Variants in GRIP2 observed in about 807,000 individuals in gnomAD.
GRIP2 encodes glutamate receptor interacting protein 2.
GRIP2 carries 58 observed loss-of-function variants against 108.3 expected under a neutral mutation model. That is an observed-to-expected ratio of 0.54 (90% CI 0.43 to 0.67). The LOEUF (loss-of-function observed/expected upper bound fraction) is 0.67. GRIP2 is among the 30% of genes least tolerant of loss of function. The pLI, the probability that GRIP2 is intolerant of heterozygous loss-of-function variation, is 0.00. For synonymous variants in GRIP2, 586 were observed against 598.2 expected (o/e 0.98, Z 0.30); for missense variants, 1,278 against 1,430.6 (o/e 0.89, Z 1.72).
At position 14,499,698 on chromosome 3, in the gene GRIP2, A is replaced by G. The variant is rs150402407; in HGVS notation, c.2680-3138T>C. On this transcript the variant is annotated intron_variant, in intron 21 of 23. Transcript: ENST00000621039. ...AAGCGAGCCAAGCCAAGATCATGCC[A>G]CTGACTGCACTCCAGCCTGAGCAAC... 1.4e-3 allele frequency among the ~76,000 whole-genome samples: 210 copies of G among 152,248 alleles called. 3 individuals carry two copies. Among genetic ancestry groups the G allele is most frequent in the African/African-American group, 5.0e-3 (206 of 41,534 alleles).
chr3:14,583,708 G>A, the GRIP2 span, among the ~76,000 whole-genome samples: 26 of 152,234 alleles, frequency 1.7e-4, no homozygotes, highest in Non-Finnish European at 1.8e-4. Flanking sequence ...TCTAAGCTAC[G>A]CTGCTGACTG....
At chr3:14,495,105 G>A in intron 22 of GRIP2, 116 bp from the exon 23 acceptor site, 1 of 1,345,284 alleles carries the variant, frequency 7.4e-7, no homozygotes, top group Non-Finnish European at 1.0e-6. Flanking sequence ...ACACCCCCCA[G>A]GCTGCAGCAC....
chr3:14,531,756 T>C (rs1694715848), intron 1 of GRIP2, among the ~76,000 whole-genome samples: 1 of 152,210 alleles, frequency 6.6e-6, no homozygotes, highest in Non-Finnish European at 1.5e-5. Flanking sequence ...CCAGGCCTTT[T>C]AGCGTTTTCT....
chr3:14,541,178 C>T (rs146248135), upstream of GRIP2, among the ~76,000 whole-genome samples: 463 of 152,368 alleles, frequency 3.0e-3, 1 homozygote, highest in Non-Finnish European at 5.3e-3. Context: ...TCCTCCTCTA[C>T]CTGTCTGTGA....
At chr3:14,561,602 A>G in the GRIP2 span, among the ~76,000 whole-genome samples, 1 of 152,140 alleles carries the variant, frequency 6.6e-6, no homozygotes, top group South Asian at 2.1e-4. Context: ...GCCTCCACCA[A>G]TGCTGCTTTT....
the GRIP2 span, chr3:14,574,136 G>T: frequency 3.2e-6 from 3 of 937,128 alleles, no homozygotes; most frequent in Non-Finnish European, 5.3e-6. Context: ...CCACGGGCAC[G>T]ATGCCATAGA....
the GRIP2 span, among the ~76,000 whole-genome samples, chr3:14,601,238 C>T: frequency 7.4e-4 from 112 of 152,286 alleles, 2 homozygotes; most frequent in South Asian, 0.013. Flanking sequence ...CCCAACAGGA[C>T]AGGTTGCCCC....
chr3:14,573,523 C>G, the GRIP2 span: 1 of 1,517,856 alleles, frequency 6.6e-7, no homozygotes, highest in South Asian at 1.1e-5. Context: ...ATGCAGTGCA[C>G]CTGAGAGCAG....
At chr3:14,581,382 G>C in the GRIP2 span, among the ~76,000 whole-genome samples, 1 of 152,172 alleles carries the variant, frequency 6.6e-6, no homozygotes, top group African/African-American at 2.4e-5. Context: ...AGTTGGGTGA[G>C]AGCAGCAGGA....
chr3:14,599,862 G>A, the GRIP2 span, among the ~76,000 whole-genome samples: 1 of 151,720 alleles, frequency 6.6e-6, no homozygotes, highest in Non-Finnish European at 1.5e-5. Flanking sequence ...CACAAACACA[G>A]TCACACACAC....
At chr3:14,545,643 C>T (rs73817925), upstream of GRIP2, among the ~76,000 whole-genome samples, 5 of 152,234 alleles carry the variant, frequency 3.3e-5, no homozygotes, top group East Asian at 1.9e-4. Flanking sequence ...GTGGGCCTCT[C>T]TGAGCCTCAG....
Position 14,506,963 on chromosome 3 carries a change from T to A in GRIP2, c.2236A>T (p.Lys746Ter), listed in dbSNP as rs1395671041. ...KQLDRPLLPR[K>*]SGSLSETSDA... is the part of the protein sequence containing the mutation. ...CTGGTCTCACTGAGGCTGCCCGACT[T>A]GCGGGGTAGGAGGGGACCTGGGAGG... Residue 746 changes from lysine (K) to a stop codon, truncating the protein, a stop_gained, in exon 19 of 24, where the codon AAG becomes TAG. Transcript: ENST00000621039. LOFTEE classifies it high-confidence loss of function. 4.4e-6 allele frequency: 7 copies of A among 1,605,136 alleles called. No homozygotes were observed. Among genetic ancestry groups the A allele is most frequent in the Non-Finnish European group, 6.0e-6 (7 of 1,175,766 alleles).
chr3:14,507,486 A>G lies in GRIP2; in HGVS notation c.2218+75T>C. On this transcript the variant is annotated intron_variant, in intron 18 of 23. Coordinates refer to ENST00000621039, the MANE Select transcript of GRIP2 (RefSeq NM_001080423.4). This position sits in a 1 kb window ranked among gnomAD's most constrained non-coding sequence, Gnocchi z 4.6. ...CAGTGAGGACTCTGTGAGGGTGTGC[A>G]GGCAAAGCCTGGCACAGAGGGATTG... The G allele has an allele frequency of 6.5e-7, 1 of 1,542,544 alleles. No homozygotes were observed. The highest frequency in any genetic ancestry group is 8.9e-7 in the Non-Finnish European group (1 of 1,121,218).
intron 1 of GRIP2, among the ~76,000 whole-genome samples, chr3:14,530,457 T>C (rs957265145): frequency 6.6e-6 from 1 of 152,200 alleles, no homozygotes; most frequent in East Asian, 1.9e-4. Flanking sequence ...AATTGATGTC[T>C]TTTTCTTTGG....
Position 14,517,216 on chromosome 3 carries a change from G to A in GRIP2, c.1157-3C>T. On this transcript the variant is annotated splice_polypyrimidine_tract_variant and splice_region_variant and intron_variant, in intron 10 of 23. Transcript: ENST00000621039. ...GGAAAAGGGAGTTGAAGACAAGGCT[G>A]GGGAGATGAGAGCACAGCCCCGTGA... 1 of 1,570,418 alleles carries A rather than the reference G, an allele frequency of 6.4e-7. No homozygotes were observed. Among genetic ancestry groups the A allele is most frequent in the Non-Finnish European group, 8.6e-7 (1 of 1,157,358 alleles).
intron 9 of GRIP2, 88 bp downstream of exon 9, chr3:14,520,022 T>C: frequency 5.3e-6 from 7 of 1,311,668 alleles, no homozygotes; most frequent in Non-Finnish European, 7.2e-6. Flanking sequence ...AGCCTGCTCC[T>C]CCCAGCCTGC....
chr3:14,503,710 G>T (rs1210972766), intron 20 of GRIP2, 39 bp from the exon 21 acceptor site: 2 of 1,255,096 alleles, frequency 1.6e-6, no homozygotes, highest in Non-Finnish European at 2.2e-6. Context: ...CTCCTGGCAG[G>T]CGGGTGGGCG....
intron 22 of GRIP2, among the ~76,000 whole-genome samples, chr3:14,495,483 T>C (rs1693571473): frequency 6.6e-6 from 1 of 151,910 alleles, no homozygotes; most frequent in East Asian, 1.9e-4. Flanking sequence ...CTCAGCTCAC[T>C]GCAACCTCCG....
At chr3:14,536,381 C>T (rs192109891) in intron 1 of GRIP2, among the ~76,000 whole-genome samples, 7 of 152,324 alleles carry the variant, frequency 4.6e-5, no homozygotes, top group Admixed American at 4.6e-4. Flanking sequence ...GACCTCACAA[C>T]AGACCATGCC....
Sources: gnomAD v4.1 joint callset for allele counts (sites outside exome capture counted in the v4.1 genomes callset) on GRCh38, gnomAD v4.1.1 for gene constraint, Gnocchi (gnomAD v3.1) non-coding constraint, MANE v1.5 for transcripts, NCBI Gene and HGNC (gene_info 2026-07-23, HGNC 2026-07-21) for gene names.